MEGF9: variants seen among roughly 807,000 people sequenced by gnomAD.
MEGF9 encodes the protein multiple epidermal growth factor-like domains protein 9.
A neutral mutation model predicts 46.8 loss-of-function variants in MEGF9; 6 were observed. The ratio of observed to expected loss-of-function variants is 0.13; its 90% CI spans 0.07 to 0.25. The LOEUF (loss-of-function observed/expected upper bound fraction) is 0.25, where lower values mean the gene tolerates loss of function less well. Among genes scored for constraint, MEGF9 ranks in the 10% least tolerant of loss-of-function variants. MEGF9 has a pLI of 1.00. For synonymous variants in MEGF9, 302 were observed against 330.7 expected, an observed-to-expected ratio of 0.91 and a Z score of 0.94; for missense variants, 683 against 792.4, an observed-to-expected ratio of 0.86 and a Z score of 1.66.
Position 120,713,871 on chromosome 9 carries a change from G to A in MEGF9, c.488C>T (p.Thr163Ile), listed in dbSNP as rs763551538. The A allele has an allele frequency of 8.4e-6, 11 of 1,303,520 alleles. 1 individual carries two copies. In the South Asian group the frequency reaches 3.2e-4, roughly 37 times the overall value. The allele number at this position is 1,303,520 out of a possible 1,614,324, so 80.7% of individuals were successfully genotyped here. A position where few individuals can be genotyped will look rare whatever the true frequency, so the allele number is the denominator to read the frequency against. ...CCGGGGAGTCGTGGGCGCCGGTACG[G>A]TGGTCGCTACAGGGGTGGTCGGCGC... ...GPAPTTPVAT[T>I]VPAPTTPRTP... Residue 163 changes from threonine (T) to isoleucine (I), a missense_variant, in exon 1 of 6, where the codon ACC becomes ATC. Transcript: ENST00000373930.
intron 1 of MEGF9, among the ~76,000 whole-genome samples, chr9:120,684,828 C>A (rs943436807): frequency 6.6e-6 from 1 of 151,710 alleles, no homozygotes; most frequent in Non-Finnish European, 1.5e-5. Flanking sequence ...TTGGAGGCTT[C>A]ATTTTTTTTT....
intron 2 of MEGF9, among the ~76,000 whole-genome samples, chr9:120,642,678 A>G (rs762396003): frequency 3.9e-5 from 6 of 152,206 alleles, no homozygotes; most frequent in Non-Finnish European, 8.8e-5. Flanking sequence ...AATATCCACA[A>G]TATCTGTTTT....
At chr9:120,698,522 TG>T (rs1407622212) in intron 1 of MEGF9, among the ~76,000 whole-genome samples, 1 of 152,218 alleles carries the variant, frequency 6.6e-6, no homozygotes, top group South Asian at 2.1e-4. Flanking sequence ...ATTAGAGAGT[TG>T]ATCTGTGACA....
In MEGF9 at chr9:120,603,879, T is replaced by A. The variant is rs1437106161; in HGVS notation, c.*1311A>T. 1 of 152,566 alleles carries A rather than the reference T, an allele frequency of 6.6e-6. No individual in the cohort carries two copies. Among genetic ancestry groups the A allele is most frequent in the Non-Finnish European group, 1.5e-5 (1 of 68,026 alleles). The allele number at this position is 152,566 out of a possible 1,614,324, so 9.5% of individuals were successfully genotyped here. ...ACAGGCTATGTTCACATGTAGGAGA[T>A]TTTTTATTTGGGGTGAGGGAGGATT... On this transcript the variant is annotated 3_prime_UTR_variant, in exon 6 of 6. Transcript: ENST00000373930.
intron 1 of MEGF9, among the ~76,000 whole-genome samples, chr9:120,693,933 A>T (rs892681296): frequency 2.6e-5 from 4 of 152,310 alleles, no homozygotes; most frequent in East Asian, 1.9e-4. Context: ...CTAAAAAAAA[A>T]AAAATAAAGG....
chr9:120,630,291 C>G (rs557039521), intron 2 of MEGF9, among the ~76,000 whole-genome samples: 17 of 152,174 alleles, frequency 1.1e-4, no homozygotes, highest in Non-Finnish European at 2.4e-4. Context: ...CTGCATCTGT[C>G]TGACTTCACT....
chr9:120,664,642 A>G (rs549752705), intron 1 of MEGF9, among the ~76,000 whole-genome samples: 1 of 152,300 alleles, frequency 6.6e-6, no homozygotes, highest in Admixed American at 6.5e-5. Flanking sequence ...AATACAGAGC[A>G]CTCACAGGAA....
intron 2 of MEGF9, among the ~76,000 whole-genome samples, chr9:120,637,079 TAAGAAA>T (rs978496633): frequency 1.6e-4 from 25 of 152,230 alleles, no homozygotes; most frequent in African/African-American, 6.0e-4. Context: ...ATTTCTGTAC[TAAGAAA>T]AATTCTGCCT....
chr9:120,649,983 C>G lies in MEGF9; in HGVS notation c.803+9391G>C, dbSNP rs980844228. 3.3e-5 allele frequency among the ~76,000 whole-genome samples: 5 copies of G among 152,164 alleles called. No individual in the cohort carries two copies. The East Asian group carries it at 7.7e-4, about 23-fold the overall frequency. ...GTGAATACATTAAAAAGTCTCAAAT[C>G]AGGCCAGGCACGGTGGCTCACACCT... On this transcript the variant is annotated intron_variant, in intron 2 of 5. Transcript: ENST00000373930.
At chr9:120,645,218 C>A (rs1357027664) in intron 2 of MEGF9, among the ~76,000 whole-genome samples, 1 of 152,114 alleles carries the variant, frequency 6.6e-6, no homozygotes, top group African/African-American at 2.4e-5. Flanking sequence ...TACAAAATGT[C>A]CTCAAAAAGT....
chr9:120,618,066 G>A (rs547718984), intron 3 of MEGF9, among the ~76,000 whole-genome samples: 2 of 152,268 alleles, frequency 1.3e-5, no homozygotes, highest in African/African-American at 2.4e-5. Context: ...GGAGATCAAC[G>A]GAGAAATGCA....
intron 2 of MEGF9, among the ~76,000 whole-genome samples, chr9:120,631,305 T>C (rs1050972628): frequency 6.6e-6 from 1 of 152,242 alleles, no homozygotes. Context: ...GATTCATTTC[T>C]AAATTCTTTA....
intron 1 of MEGF9, among the ~76,000 whole-genome samples, chr9:120,700,200 T>C (rs1238147550): frequency 6.6e-6 from 1 of 152,238 alleles, no homozygotes; most frequent in Non-Finnish European, 1.5e-5. Flanking sequence ...TCAAAAAATA[T>C]ACTCAATAAC....
intron 1 of MEGF9, among the ~76,000 whole-genome samples, chr9:120,664,634 T>C (rs1050870366): frequency 1.3e-5 from 2 of 152,214 alleles, no homozygotes; most frequent in Admixed American, 6.5e-5. Context: ...CTATAATTAA[T>C]ACAGAGCACT....
At chr9:120,689,253 A>G (rs1259496731) in intron 1 of MEGF9, among the ~76,000 whole-genome samples, 2 of 152,216 alleles carry the variant, frequency 1.3e-5, no homozygotes, top group African/African-American at 2.4e-5. Flanking sequence ...CTAAGGGTAG[A>G]GGAGAGGAGT....
rs145942779 is a variant in MEGF9 at position 120,673,270 on chromosome 9, T to C, written c.602-13695A>G. On this transcript the variant is annotated intron_variant, in intron 1 of 5. Coordinates refer to ENST00000373930, the MANE Select transcript of MEGF9 (RefSeq NM_001080497.3). ...GACATAATGCAAACAATTAGATCTATAGATTTAATAAATCCCAATCAAAAT... is the reference window on the plus strand; with the variant it reads ...GACATAATGCAAACAATTAGATCTACAGATTTAATAAATCCCAATCAAAAT... Among the ~76,000 whole-genome samples the C allele has an allele frequency of 1.3e-3, 195 of 152,318 alleles. 2 individuals are homozygous for C. The highest frequency in any genetic ancestry group is 4.5e-3 in the African/African-American group (187 of 41,584).
At chr9:120,685,081 G>T (rs538090334) in intron 1 of MEGF9, among the ~76,000 whole-genome samples, 33 of 152,120 alleles carry the variant, frequency 2.2e-4, no homozygotes, top group Admixed American at 4.6e-4. Context: ...TGATCCACCC[G>T]CCTGGGCCTC....
chr9:120,669,734 T>C (rs1033008465), intron 1 of MEGF9, among the ~76,000 whole-genome samples: 1 of 152,198 alleles, frequency 6.6e-6, no homozygotes, highest in African/African-American at 2.4e-5. Flanking sequence ...AATATGGTTA[T>C]TTCTGAGGAT....
At chr9:120,663,203 C>T (rs1564423222) in intron 1 of MEGF9, among the ~76,000 whole-genome samples, 1 of 152,166 alleles carries the variant, frequency 6.6e-6, no homozygotes, top group South Asian at 2.1e-4. Flanking sequence ...ACAAAGTAAA[C>T]CAAGTGCCAG....
Sources: gnomAD v4.1 joint callset for allele counts (sites outside exome capture counted in the v4.1 genomes callset) on GRCh38, gnomAD v4.1.1 for gene constraint, MANE v1.5 for transcripts, NCBI Gene and HGNC (gene_info 2026-07-23, HGNC 2026-07-21) for gene names.